Variants in PTPRZ1 observed in about 807,000 individuals in gnomAD.
PTPRZ1 encodes the protein protein tyrosine phosphatase receptor type Z1.
PTPRZ1 carries 82 observed loss-of-function variants against 214.1 expected under a neutral mutation model. The observed-to-expected ratio is 0.38, with a 90% CI of 0.32 to 0.46. PTPRZ1 has a LOEUF of 0.46. Ranked by LOEUF, PTPRZ1 falls within the 20% of genes least tolerant of loss-of-function variation. PTPRZ1 has a pLI of 1.00. For missense variants in PTPRZ1, 2,603 were observed against 2,748.7 expected, an observed-to-expected ratio of 0.95 and a Z score of 1.19; for synonymous variants, 945 against 987.9, an observed-to-expected ratio of 0.96 and a Z score of 0.81.
intron 1 of PTPRZ1, among the ~76,000 whole-genome samples, chr7:121,917,189 T>G (rs1233779009): frequency 6.6e-6 from 1 of 152,216 alleles, no homozygotes; most frequent in East Asian, 1.9e-4. Context: ...GATTTTTATG[T>G]ACCGATAAAG....
At chr7:121,956,397 C>T (rs112729158) in intron 2 of PTPRZ1, among the ~76,000 whole-genome samples, 114 of 152,294 alleles carry the variant, frequency 7.5e-4, no homozygotes, top group East Asian at 9.7e-4. Flanking sequence ...TACCAAAAAT[C>T]AGAAAGCCAC....
rs1798653067 is a variant in PTPRZ1 at position 122,011,234 on chromosome 7, C to G, written c.2188C>G (p.Pro730Ala). The G allele has an allele frequency of 6.2e-7, 1 of 1,613,922 alleles. No individual in the cohort carries two copies. The highest frequency in any genetic ancestry group is 2.2e-5 in the East Asian group (1 of 44,866). Residue 730 changes from proline (P) to alanine (A), a missense_variant, in exon 12 of 30, where the codon CCA becomes GCA. By Grantham distance (27) the Pro-to-Ala change is conservative (BLOSUM62 -1). Around this residue, in one of 6 missense-constraint regions of PTPRZ1, gnomAD observed 1,913 missense variants for 1,914.3 expected, o/e 1.00. Coordinates refer to ENST00000393386, the MANE Select transcript of PTPRZ1 (RefSeq NM_002851.3). ...TGAGGTAACACCTCATGCTTTTACC[C>G]CATCCTCCAGACAACAGGATTTGGT... ...PTEVTPHAFT[P>A]SSRQQDLVST...
intron 6 of PTPRZ1, among the ~76,000 whole-genome samples, chr7:121,982,877 G>A (rs773145862): frequency 1.6e-4 from 25 of 151,968 alleles, no homozygotes; most frequent in East Asian, 3.9e-4. Context: ...AGGTTCAAGC[G>A]ACTCACTCTC....
chr7:121,997,306 A>G (rs1798172633), intron 9 of PTPRZ1, among the ~76,000 whole-genome samples: 1 of 152,184 alleles, frequency 6.6e-6, no homozygotes, highest in African/African-American at 2.4e-5. Context: ...TTAAATAAAA[A>G]TGCACTATTA....
At chr7:122,002,149 A>G (rs1437725459) in intron 10 of PTPRZ1, among the ~76,000 whole-genome samples, 1 of 152,218 alleles carries the variant, frequency 6.6e-6, no homozygotes, top group Non-Finnish European at 1.5e-5. Flanking sequence ...CAATCTTCCA[A>G]ATTATTTTAT....
intron 17 of PTPRZ1, 98 bp from the exon 18 acceptor site, chr7:122,036,502 T>A (rs1179234569): frequency 5.9e-6 from 5 of 847,732 alleles, no homozygotes; most frequent in Non-Finnish European, 7.4e-6. Context: ...CTTGTGTTGA[T>A]TTTAATTGAA....
At chr7:121,988,013 G>A (rs1354031473) in intron 8 of PTPRZ1, among the ~76,000 whole-genome samples, 1 of 152,158 alleles carries the variant, frequency 6.6e-6, no homozygotes, top group African/African-American at 2.4e-5. Context: ...ACACTGTGGT[G>A]TACGAGAGAG....
At chr7:121,942,199 G>C (rs1796256132) in intron 2 of PTPRZ1, among the ~76,000 whole-genome samples, 1 of 152,166 alleles carries the variant, frequency 6.6e-6, no homozygotes, top group Admixed American at 6.5e-5. Context: ...ATTCTTCAGA[G>C]GGGTCACCCA....
At chr7:122,051,994 C>T in intron 25 of PTPRZ1, 55 bp downstream of exon 25, 1 of 1,414,060 alleles carries the variant, frequency 7.1e-7, no homozygotes, top group South Asian at 1.3e-5. Context: ...GGGATCAAAA[C>T]CAGAATGGGC....
Position 122,051,496 on chromosome 7 carries a change from G to A in PTPRZ1, c.6153G>A (p.Lys2051=). ...CCCTAAAGCAATGCAACAGGGAAAA[G>A]AATCGAACTTCTTCTATCATCCCTG... is the stretch of plus-strand genomic sequence containing the variant. ...SAALKQCNRE[K]NRTSSIIPVE... is the part of the protein sequence containing the mutation. The change falls in exon 24 of 30, where the codon AAG becomes AAA. Residue 2051 remains lysine, a synonymous_variant. Transcript: ENST00000393386. The A allele has an allele frequency of 6.2e-7, 1 of 1,613,484 alleles. No individual in the cohort carries two copies. Among genetic ancestry groups the A allele is most frequent in the Non-Finnish European group, 8.5e-7 (1 of 1,179,580 alleles).
chr7:121,992,663 G>C (rs752837174), intron 8 of PTPRZ1, among the ~76,000 whole-genome samples: 1 of 152,130 alleles, frequency 6.6e-6, no homozygotes, highest in African/African-American at 2.4e-5. Flanking sequence ...AAAACCACTC[G>C]TTACATCTGA....
At chr7:121,877,970 G>A (rs1309238939) in intron 1 of PTPRZ1, among the ~76,000 whole-genome samples, 1 of 150,280 alleles carries the variant, frequency 6.7e-6, no homozygotes, top group African/African-American at 2.4e-5. Context: ...ATATGTGTTT[G>A]TGTATATATA....
chr7:121,891,233 C>T (rs768507123), intron 1 of PTPRZ1, among the ~76,000 whole-genome samples: 12 of 152,012 alleles, frequency 7.9e-5, no homozygotes, highest in Admixed American at 2.0e-4. Context: ...ATTGCAACCA[C>T]CTCTCTTCTC....
rs141712601 is a variant in PTPRZ1 at position 121,971,879 on chromosome 7, T to C, written c.305-662T>C. Among the ~76,000 whole-genome samples the C allele has an allele frequency of 2.1e-3, 327 of 152,294 alleles. 9 individuals are homozygous for C. The East Asian group carries it at 0.047, about 22-fold the overall frequency. Reference sequence around the variant, plus strand: ...GACATCCAAATCTTTCACTGGGCTCTCAAGAGAGCTCTCCAGAAGACTGTT... The same window carrying C: ...GACATCCAAATCTTTCACTGGGCTCCCAAGAGAGCTCTCCAGAAGACTGTT... On this transcript the variant is annotated intron_variant, in intron 3 of 29. Transcript: ENST00000393386.
At chr7:121,984,156 T>G in intron 8 of PTPRZ1, 39 bp downstream of exon 8, 1 of 1,578,278 alleles carries the variant, frequency 6.3e-7, no homozygotes, top group African/African-American at 1.4e-5. Flanking sequence ...CTCTCATAGA[T>G]GCAGTGTTAT....
At chr7:122,017,704 A>T (rs926501627) in intron 12 of PTPRZ1, among the ~76,000 whole-genome samples, 1 of 151,646 alleles carries the variant, frequency 6.6e-6, no homozygotes, top group African/African-American at 2.4e-5. Context: ...TGGGATTACA[A>T]GTGTGCACCA....
At position 122,054,002 on chromosome 7, in the gene PTPRZ1, C is replaced by T. The variant is rs1249994338; in HGVS notation, c.6345C>T (p.Ala2115=). ...DFWRMIWDHN[A]QLVVMIPDGQ... Reference sequence around the variant, plus strand: ...GGAGGATGATATGGGACCATAATGCCCAACTGGTGGTTATGATTCCTGATG... The same window carrying T: ...GGAGGATGATATGGGACCATAATGCTCAACTGGTGGTTATGATTCCTGATG... Residue 2115 remains alanine, a synonymous_variant, in exon 26 of 30, where the codon GCC becomes GCT. Coordinates refer to ENST00000393386, the MANE Select transcript of PTPRZ1 (RefSeq NM_002851.3). 6.2e-7 allele frequency: 1 copy of T among 1,613,184 alleles called. No homozygotes were observed. The highest frequency in any genetic ancestry group is 1.1e-5 in the South Asian group (1 of 91,044).
chr7:122,052,584 A>G (rs997161610), intron 25 of PTPRZ1, among the ~76,000 whole-genome samples: 1 of 152,158 alleles, frequency 6.6e-6, no homozygotes, highest in Non-Finnish European at 1.5e-5. Context: ...AAACACAGGG[A>G]TGTGTGGTAG....
At chr7:122,022,610 A>G (rs1255372839) in intron 13 of PTPRZ1, among the ~76,000 whole-genome samples, 3 of 152,196 alleles carry the variant, frequency 2.0e-5, no homozygotes, top group East Asian at 1.9e-4. Flanking sequence ...TCTGTGAGTT[A>G]TCTTCTCACT....
Sources: allele counts gnomAD v4.1 joint callset (sites outside exome capture counted in the v4.1 genomes callset), GRCh38; gene constraint gnomAD v4.1.1; regional missense constraint gnomAD v4.1.1; transcripts MANE v1.5; gene names NCBI Gene and HGNC (gene_info 2026-07-23, HGNC 2026-07-21).